The following UTP18 variants were observed in gnomAD, a reference collection of about 807,000 sequenced individuals.
The protein encoded by UTP18 is U3 small nucleolar RNA-associated protein 18 homolog.
In UTP18, 36 loss-of-function variants were observed where a neutral mutation model predicts 61.1. That is an observed-to-expected ratio of 0.59 (90% CI 0.45 to 0.78). UTP18 has a LOEUF of 0.78. UTP18 is among the 30% of genes least tolerant of loss of function. The pLI is 0.00. For missense variants in UTP18, 753 were observed against 693.9 expected (o/e 1.09, Z -0.96); for synonymous variants, 282 against 251.1 (o/e 1.12, Z -1.16).
At chr17:51,270,772 A>G (rs899443430) in intron 4 of UTP18, among the ~76,000 whole-genome samples, 4 of 152,226 alleles carry the variant, frequency 2.6e-5, no homozygotes, top group African/African-American at 7.2e-5. Flanking sequence ...ATAAGGCCAC[A>G]CTAGCTGAGA....
At chr17:51,277,851 A>G (rs964500464) in intron 7 of UTP18, among the ~76,000 whole-genome samples, 3 of 152,130 alleles carry the variant, frequency 2.0e-5, no homozygotes, top group Admixed American at 1.3e-4. Flanking sequence ...TTCTTTTCCT[A>G]TATTTCCCTG....
At position 51,287,068 on chromosome 17, in the gene UTP18, G is replaced by T. The variant is rs773751543; in HGVS notation, c.1329-961G>T. Among the ~76,000 whole-genome samples the T allele has an allele frequency of 2.7e-5, 4 of 147,378 alleles. No homozygotes were observed. In the South Asian group the frequency reaches 8.6e-4, roughly 32 times the overall value. ...TAAGAACTGCATTTGCCTCTATATGGGGCAAGAAAAACTGCGCAGAAATGA... is the reference window on the plus strand; with the variant it reads ...TAAGAACTGCATTTGCCTCTATATGTGGCAAGAAAAACTGCGCAGAAATGA... On this transcript the variant is annotated intron_variant, in intron 10 of 13. Transcript: ENST00000225298.
chr17:51,276,244 A>G (rs1904717481), intron 6 of UTP18, among the ~76,000 whole-genome samples: 1 of 152,078 alleles, frequency 6.6e-6, no homozygotes, highest in Admixed American at 6.5e-5. Flanking sequence ...ACAGCTGCTC[A>G]CCCCTTGCCT....
intron 1 of UTP18, among the ~76,000 whole-genome samples, chr17:51,262,567 T>C (rs1214109215): frequency 2.0e-5 from 3 of 152,160 alleles, no homozygotes; most frequent in Admixed American, 2.0e-4. Context: ...GTTGCTCTTC[T>C]TGTTGGTCAC....
rs184824188 is a variant in UTP18 at position 51,296,748 on chromosome 17, A to C, written c.1647-217A>C. ...GGTATTTCATAGACCCCCCATGTGA[A>C]ACTTTGGAGTAAGCCTACTCATGTT... On this transcript the variant is annotated intron_variant, in intron 12 of 13. Coordinates refer to ENST00000225298, the MANE Select transcript of UTP18 (RefSeq NM_016001.3). 669 of 482,452 alleles carry C rather than the reference A, an allele frequency of 1.4e-3. 3 individuals are homozygous for C. The highest frequency in any genetic ancestry group is 1.5e-3 in the Non-Finnish European group (422 of 274,124). 29.9% of individuals were successfully genotyped at this position (482,452 alleles called of 1,614,324 possible).
chr17:51,268,835 A>G lies in UTP18; in HGVS notation c.555-2A>G. The stretch of plus-strand genomic sequence containing the variant: ...ATATATTTTTCAAATATTTTTGCTT[A>G]GATTCCAACATGCCATGGGAGGAGT... On this transcript the variant is annotated splice_acceptor_variant, in intron 3 of 13. Transcript: ENST00000225298. LOFTEE classifies it high-confidence loss of function. The G allele has an allele frequency of 6.2e-7, 1 of 1,613,690 alleles. No homozygotes were observed. The highest frequency in any genetic ancestry group is 8.5e-7 in the Non-Finnish European group (1 of 1,179,684).
rs2055421780 is a variant in UTP18, at chr17:51,260,600, A to G, written c.16A>G (p.Arg6Gly). MPPER[R>G]RRMKLDRRTG... ...AAACCTAACGATGCCGCCGGAGCGG[A>G]GGAGACGAATGAAACTGGACCGGAG... is the stretch of plus-strand genomic sequence containing the variant. Residue 6 changes from arginine (R) to glycine (G), a missense_variant, in exon 1 of 14, where the codon AGG becomes GGG. Coordinates refer to ENST00000225298, the MANE Select transcript of UTP18 (RefSeq NM_016001.3). The G allele has an allele frequency of 1.2e-6, 2 of 1,612,272 alleles. No individual in the cohort carries two copies. Among genetic ancestry groups the G allele is most frequent in the African/African-American group, 2.7e-5 (2 of 74,842 alleles).
chr17:51,278,027 G>A (rs1904789361), intron 7 of UTP18, among the ~76,000 whole-genome samples: 1 of 152,178 alleles, frequency 6.6e-6, no homozygotes, highest in African/African-American at 2.4e-5. Context: ...GAAAGGACAA[G>A]AGTAGCTCTG....
intron 1 of UTP18, 81 bp from the exon 2 acceptor site, chr17:51,263,193 G>C (rs975552406): frequency 9.1e-7 from 1 of 1,095,826 alleles, no homozygotes; most frequent in Middle Eastern, 2.0e-4. Flanking sequence ...CATTCTATGA[G>C]CCATTTGGCT....
At chr17:51,262,273 A>G (rs1006778349) in intron 1 of UTP18, among the ~76,000 whole-genome samples, 2 of 151,674 alleles carry the variant, frequency 1.3e-5, no homozygotes, top group East Asian at 1.9e-4. Context: ...TTTAGTAGAA[A>G]CGGGGTTTCA....
intron 7 of UTP18, among the ~76,000 whole-genome samples, chr17:51,279,732 C>T (rs1392611115): frequency 6.6e-6 from 1 of 152,052 alleles, no homozygotes; most frequent in East Asian, 1.9e-4. Context: ...GATATGTTTA[C>T]TGTTTGGAGA....
chr17:51,285,979 C>G (rs183633083), intron 10 of UTP18, among the ~76,000 whole-genome samples: 1 of 152,222 alleles, frequency 6.6e-6, no homozygotes, highest in Non-Finnish European at 1.5e-5. Context: ...TCAAGTTTTC[C>G]TATAATTATT....
chr17:51,260,833 C>T lies in UTP18; in HGVS notation c.249C>T (p.Asp83=). The T allele has an allele frequency of 1.3e-6, 2 of 1,597,648 alleles. No homozygotes were observed. Among genetic ancestry groups the T allele is most frequent in the South Asian group, 2.3e-5 (2 of 88,784 alleles). ...RQRNRLRLEE[D]KPAVERCLEE... ...GGAACCGCCTGAGGCTGGAGGAGGA[C>T]AAACCGGCCGTGGAGCGGTGCTTGG... Residue 83 remains aspartate (D), a synonymous_variant, in exon 1 of 14, where the codon GAC becomes GAT. Transcript: ENST00000225298.
intron 11 of UTP18, among the ~76,000 whole-genome samples, chr17:51,288,805 G>C (rs1395830693): frequency 3.3e-5 from 5 of 152,152 alleles, no homozygotes; most frequent in Non-Finnish European, 7.4e-5. Flanking sequence ...ATCAGCAAAG[G>C]GAAAGGGTAC....
At chr17:51,268,339 T>G (rs1318171827) in intron 3 of UTP18, among the ~76,000 whole-genome samples, 1 of 152,264 alleles carries the variant, frequency 6.6e-6, no homozygotes, top group Non-Finnish European at 1.5e-5. Context: ...GTACCAGTTC[T>G]TACGAACACA....
At chr17:51,273,024 T>C (rs1223995163) in intron 4 of UTP18, among the ~76,000 whole-genome samples, 1 of 152,244 alleles carries the variant, frequency 6.6e-6, no homozygotes, top group Non-Finnish European at 1.5e-5. Flanking sequence ...GCCATAATTA[T>C]GAGTTGCTCT....
chr17:51,266,341 A>G (rs1370941710), intron 3 of UTP18, 61 bp downstream of exon 3: 4 of 1,167,488 alleles, frequency 3.4e-6, no homozygotes, highest in Admixed American at 2.9e-5. Flanking sequence ...CCAGTCATTA[A>G]CCGTAACCGC....
At chr17:51,286,670 T>C in intron 10 of UTP18, 1 of 431,380 alleles carries the variant, frequency 2.3e-6, no homozygotes, top group South Asian at 1.7e-5. Context: ...TTCCTACCCA[T>C]ACCCGTGCCA....
chr17:51,266,397 G>A, intron 3 of UTP18, 117 bp downstream of exon 3: 1 of 632,380 alleles, frequency 1.6e-6, no homozygotes, highest in Non-Finnish European at 2.4e-6. Flanking sequence ...GATTGCTATT[G>A]TGGGCAGTGA....
Sources: gnomAD v4.1 joint callset for allele counts (sites outside exome capture counted in the v4.1 genomes callset) on GRCh38, gnomAD v4.1.1 for gene constraint, MANE v1.5 for transcripts, NCBI Gene and HGNC (gene_info 2026-07-23, HGNC 2026-07-21) for gene names.